LHFPL3: variants seen among roughly 807,000 people sequenced by gnomAD.
The protein encoded by LHFPL3 is LHFPL tetraspan subfamily member 3 protein.
In LHFPL3, 5 loss-of-function variants were observed where a neutral mutation model predicts 19.3. The ratio of observed to expected loss-of-function variants is 0.26; its 90% CI spans 0.14 to 0.54. LHFPL3 has a LOEUF of 0.54. Ranked by LOEUF, LHFPL3 falls within the 20% of genes least tolerant of loss-of-function variation. LHFPL3 has a pLI of 0.94. For synonymous variants in LHFPL3, 133 were observed against 126.2 expected, an observed-to-expected ratio of 1.05 and a Z score of -0.36; for missense variants, 249 against 307.4, an observed-to-expected ratio of 0.81 and a Z score of 1.42.
intron 1 of LHFPL3, among the ~76,000 whole-genome samples, chr7:104,380,122 C>T (rs2116449552): frequency 6.6e-6 from 1 of 152,196 alleles, no homozygotes; most frequent in East Asian, 1.9e-4. Context: ...GCTATGTGAC[C>T]TTGAACAAGT....
rs1465069752 is a variant in LHFPL3 at position 104,696,413 on chromosome 7, AG to A, written c.446-40260del. 3.3e-5 allele frequency among the ~76,000 whole-genome samples: 5 copies of A among 150,932 alleles called. 1 individual carries two copies. Among genetic ancestry groups the A allele is most frequent in the Non-Finnish European group, 7.4e-5 (5 of 67,902 alleles). On this transcript the variant is annotated intron_variant, in intron 1 of 2. Transcript: ENST00000424859. ...ATAAGCAGAGGGGTGAAAGTTTAAA[AG>A]GATGAAACAGAAAAATAAAAAGTGT...
chr7:104,703,071 G>A (rs1793131503), intron 1 of LHFPL3, among the ~76,000 whole-genome samples: 1 of 152,136 alleles, frequency 6.6e-6, no homozygotes, highest in Non-Finnish European at 1.5e-5. Flanking sequence ...TTAACTTCAA[G>A]TATCTATTTA....
chr7:104,666,509 A>ATTTTTTTTTTTTTTTTTTTT (rs1315147894), intron 1 of LHFPL3, among the ~76,000 whole-genome samples: 4 of 44,162 alleles, frequency 9.1e-5, no homozygotes, highest in African/African-American at 2.9e-4. Context: ...ACAGGATTTC[A>ATTTTTTTTTTTTTTTTTTTT]TTCTTTTTTT....
intron 2 of LHFPL3, among the ~76,000 whole-genome samples, chr7:104,897,653 G>T (rs1036976501): frequency 6.6e-6 from 1 of 152,050 alleles, no homozygotes; most frequent in African/African-American, 2.4e-5. Context: ...AGAAGAAAGG[G>T]GAACATCACT....
At chr7:104,869,817 A>C (rs1791797716) in intron 2 of LHFPL3, among the ~76,000 whole-genome samples, 1 of 152,190 alleles carries the variant, frequency 6.6e-6, no homozygotes, top group Non-Finnish European at 1.5e-5. Context: ...CACTATTCAC[A>C]ATAGCAAAGA....
At chr7:104,663,155 T>C (rs1245958212) in intron 1 of LHFPL3, among the ~76,000 whole-genome samples, 1 of 152,216 alleles carries the variant, frequency 6.6e-6, no homozygotes, top group East Asian at 1.9e-4. Context: ...TTCCTCCTTT[T>C]GAGTTTATAG....
chr7:104,335,732 A>G (rs530703385), intron 1 of LHFPL3, among the ~76,000 whole-genome samples: 1 of 152,312 alleles, frequency 6.6e-6, no homozygotes, highest in Non-Finnish European at 1.5e-5. Context: ...CTTAATATGA[A>G]AACACCTATT....
chr7:104,863,399 A>T (rs982702266), intron 2 of LHFPL3, among the ~76,000 whole-genome samples: 2 of 152,198 alleles, frequency 1.3e-5, no homozygotes, highest in Non-Finnish European at 2.9e-5. Flanking sequence ...ATAGCAGCAC[A>T]GTTTAAGCCT....
chr7:104,440,307 G>T (rs933695937), intron 1 of LHFPL3, among the ~76,000 whole-genome samples: 1 of 151,554 alleles, frequency 6.6e-6, no homozygotes. Flanking sequence ...GCAAACTATC[G>T]CCAAGAACAA....
intron 2 of LHFPL3, among the ~76,000 whole-genome samples, chr7:104,837,918 A>T (rs1383447974): frequency 6.6e-6 from 1 of 152,232 alleles, no homozygotes; most frequent in African/African-American, 2.4e-5. Context: ...TAAATGTTTA[A>T]TGCTAGCATG....
At chr7:104,573,359 C>G (rs1790263940) in intron 1 of LHFPL3, among the ~76,000 whole-genome samples, 1 of 150,760 alleles carries the variant, frequency 6.6e-6, no homozygotes, top group African/African-American at 2.4e-5. Context: ...TTGCAGTGAG[C>G]CGAGATCACA....
At chr7:104,389,708 C>T (rs535080767) in intron 1 of LHFPL3, among the ~76,000 whole-genome samples, 1 of 152,124 alleles carries the variant, frequency 6.6e-6, no homozygotes, top group South Asian at 2.1e-4. Flanking sequence ...AATATATGTA[C>T]ACATCTATAG....
chr7:104,461,010 C>T (rs968178177), intron 1 of LHFPL3, among the ~76,000 whole-genome samples: 1 of 152,118 alleles, frequency 6.6e-6, no homozygotes, highest in Admixed American at 6.6e-5. Context: ...AGTCTATTCT[C>T]ACACTGCTAA....
intron 2 of LHFPL3, among the ~76,000 whole-genome samples, chr7:104,788,460 G>A (rs2116440706): frequency 6.6e-6 from 1 of 152,280 alleles, no homozygotes; most frequent in Non-Finnish European, 1.5e-5. Flanking sequence ...CTTCCAAAAA[G>A]ACTATAAGAA....
intron 1 of LHFPL3, among the ~76,000 whole-genome samples, chr7:104,577,507 T>C (rs1790362037): frequency 6.6e-6 from 1 of 152,206 alleles, no homozygotes; most frequent in African/African-American, 2.4e-5. Context: ...TGTGTACAAG[T>C]ATAGAGTTGT....
At chr7:104,739,415 C>G (rs575769016) in intron 2 of LHFPL3, among the ~76,000 whole-genome samples, 1 of 152,186 alleles carries the variant, frequency 6.6e-6, no homozygotes, top group African/African-American at 2.4e-5. Flanking sequence ...ATGTAATTAT[C>G]AAAATTAAAT....
At position 104,750,088 on chromosome 7, in the gene LHFPL3, G is replaced by A. The variant is rs1794133602; in HGVS notation, c.682+13177G>A. On this transcript the variant is annotated intron_variant, in intron 2 of 2. Coordinates refer to ENST00000424859, the MANE Select transcript of LHFPL3 (RefSeq NM_199000.3). ...ACCCCACAGATTAAGAGGAATTGAA[G>A]TAATCATTAGCTGAACAGTACTTTC... Among the ~76,000 whole-genome samples the A allele has an allele frequency of 2.0e-5, 3 of 152,208 alleles. No homozygotes were observed. In the South Asian group the frequency reaches 6.2e-4, roughly 32 times the overall value.
At chr7:104,382,597 A>G (rs939158549) in intron 1 of LHFPL3, among the ~76,000 whole-genome samples, 51 of 152,204 alleles carry the variant, frequency 3.4e-4, no homozygotes, top group Non-Finnish European at 5.7e-4. Flanking sequence ...TGGCCTGAGC[A>G]GGGTTTTGAA....
intron 1 of LHFPL3, among the ~76,000 whole-genome samples, chr7:104,678,362 T>C (rs1261817049): frequency 2.6e-5 from 4 of 152,182 alleles, no homozygotes; most frequent in African/African-American, 9.7e-5. Context: ...GCTTTTTAAG[T>C]AACTTTATTT....
Sources: allele counts gnomAD v4.1 joint callset (sites outside exome capture counted in the v4.1 genomes callset), GRCh38; gene constraint gnomAD v4.1.1; transcripts MANE v1.5; gene names NCBI Gene and HGNC (gene_info 2026-07-23, HGNC 2026-07-21).